Variants in PPP4R2 observed in about 807,000 individuals in gnomAD.
PPP4R2 encodes protein phosphatase 4 regulatory subunit 2.
In PPP4R2, 13 loss-of-function variants were observed where a neutral mutation model predicts 47.2. The ratio of observed to expected loss-of-function variants is 0.28; its 90% CI spans 0.18 to 0.44. The LOEUF (loss-of-function observed/expected upper bound fraction) is 0.44, where lower values mean the gene tolerates loss of function less well. PPP4R2 is among the 20% of genes least tolerant of loss of function. The probability of loss-of-function intolerance (pLI) is 1.00; values close to 1 mark genes in which losing one functional copy is unlikely to be tolerated. For synonymous variants in PPP4R2, 151 were observed against 163.3 expected (o/e 0.92, Z 0.57); for missense variants, 421 against 491.2 (o/e 0.86, Z 1.35).
At chr3:72,999,498 T>C (rs1701417119) in intron 2 of PPP4R2, among the ~76,000 whole-genome samples, 1 of 152,272 alleles carries the variant, frequency 6.6e-6, no homozygotes, top group Admixed American at 6.5e-5. Flanking sequence ...CTTTTGGCTG[T>C]TTTTTGATAT....
chr3:72,998,574 T>A (rs933114195), intron 2 of PPP4R2, among the ~76,000 whole-genome samples: 2 of 152,222 alleles, frequency 1.3e-5, no homozygotes, highest in Non-Finnish European at 1.5e-5. Context: ...AGCCTTTTTT[T>A]GGTCATATTT....
intron 2 of PPP4R2, among the ~76,000 whole-genome samples, chr3:73,033,064 T>C (rs1229655286): frequency 1.3e-5 from 2 of 152,168 alleles, no homozygotes; most frequent in Non-Finnish European, 2.9e-5. Context: ...TAATTAACTT[T>C]TTGTGTTGGA....
chr3:73,062,106 G>A (rs1451332122), intron 5 of PPP4R2: 15 of 1,545,522 alleles, frequency 9.7e-6, no homozygotes, highest in African/African-American at 1.4e-5. Context: ...TAAATTGTAT[G>A]CTTATGTTAA....
rs1337208241 is a variant in PPP4R2, at chr3:73,023,780, A to G, written c.117-23406A>G. ...GACCATTTAGTAAGTTGCTTTTTAA[A>G]AAGTCACCGTGAAAAATGAAAGTAT... is the stretch of plus-strand genomic sequence containing the variant. On this transcript the variant is annotated intron_variant, in intron 2 of 8. Transcript: ENST00000356692. 2.0e-5 allele frequency among the ~76,000 whole-genome samples: 3 copies of G among 152,178 alleles called. No individual in the cohort carries two copies. The East Asian group carries it at 5.8e-4, about 29-fold the overall frequency.
intron 2 of PPP4R2, among the ~76,000 whole-genome samples, chr3:73,006,878 T>C (rs756907488): frequency 2.6e-5 from 4 of 152,240 alleles, no homozygotes; most frequent in Non-Finnish European, 5.9e-5. Context: ...ACACCTTGAC[T>C]TCTCTCTGTC....
intron 2 of PPP4R2, among the ~76,000 whole-genome samples, chr3:73,010,833 C>T (rs1170629128): frequency 6.6e-6 from 1 of 152,228 alleles, no homozygotes; most frequent in Non-Finnish European, 1.5e-5. Context: ...AGCCACTGGG[C>T]TCAGCCTTTC....
At chr3:73,020,694 TAAAA>T (rs1227598415) in intron 2 of PPP4R2, among the ~76,000 whole-genome samples, 5 of 134,002 alleles carry the variant, frequency 3.7e-5, no homozygotes, top group Non-Finnish European at 6.5e-5. Flanking sequence ...AAAAAAAAGT[TAAAA>T]AACTTTTTTT....
chr3:73,028,736 GC>G (rs1702115215), intron 2 of PPP4R2, among the ~76,000 whole-genome samples: 1 of 152,204 alleles, frequency 6.6e-6, no homozygotes, highest in African/African-American at 2.4e-5. Flanking sequence ...GAGCCACTGC[GC>G]CCGGCCAAGG....
At chr3:73,045,244 C>T (rs964054076) in intron 2 of PPP4R2, among the ~76,000 whole-genome samples, 4 of 152,126 alleles carry the variant, frequency 2.6e-5, no homozygotes, top group African/African-American at 9.7e-5. Context: ...CCCAAGTGAT[C>T]TTCCTGTCTC....
intron 2 of PPP4R2, among the ~76,000 whole-genome samples, chr3:73,016,877 G>A (rs1326330616): frequency 7.2e-6 from 1 of 139,604 alleles, no homozygotes; most frequent in African/African-American, 2.7e-5. Flanking sequence ...GGAGTTCAGT[G>A]GCTCACTGAA....
chr3:72,997,153 G>T (rs1701363893), intron 1 of PPP4R2, 82 bp downstream of exon 1: 2 of 1,155,002 alleles, frequency 1.7e-6, no homozygotes, highest in Middle Eastern at 2.1e-4. Flanking sequence ...TGGTTCCGAG[G>T]ACCGGGGCCG....
chr3:73,018,432 T>TGTTATGTTAC (rs1450735846), intron 2 of PPP4R2, among the ~76,000 whole-genome samples: 1 of 99,486 alleles, frequency 1.0e-5, no homozygotes, highest in Non-Finnish European at 2.1e-5. Context: ...TGTTATGTTA[T>TGTTATGTTAC]GTTATGTTAT....
At chr3:73,043,844 TATC>T (rs1048928682) in intron 2 of PPP4R2, among the ~76,000 whole-genome samples, 4 of 152,354 alleles carry the variant, frequency 2.6e-5, no homozygotes, top group Admixed American at 2.6e-4. Context: ...TTACCATCAC[TATC>T]ATCCATCTGC....
chr3:73,056,990 G>A (rs1457363603), intron 3 of PPP4R2, among the ~76,000 whole-genome samples: 2 of 152,132 alleles, frequency 1.3e-5, no homozygotes, highest in Non-Finnish European at 2.9e-5. Context: ...TACCCAAACT[G>A]TTGGTGCTAT....
rs771976827 is a variant in PPP4R2, at chr3:73,061,087, AT to A, written c.419+28del. The A allele has an allele frequency of 6.9e-6, 8 of 1,157,768 alleles. No individual in the cohort carries two copies. In the African/African-American group the frequency reaches 9.5e-5, roughly 14 times the overall value. The allele number at this position is 1,157,768 out of a possible 1,614,324, so 71.7% of individuals were successfully genotyped here. On this transcript the variant is annotated intron_variant, in intron 5 of 8. Transcript: ENST00000356692. ...TAAGTATATTTTTTCTATTTCTAGT[AT>A]ATTATTTACTATATTTAATCATTTT... is the stretch of plus-strand genomic sequence containing the variant.
At chr3:73,038,139 G>T (rs1702301616) in intron 2 of PPP4R2, among the ~76,000 whole-genome samples, 1 of 152,168 alleles carries the variant, frequency 6.6e-6, no homozygotes, top group South Asian at 2.1e-4. Context: ...TGTAGAGGGG[G>T]TGGTAAAAAG....
intron 2 of PPP4R2, among the ~76,000 whole-genome samples, chr3:73,022,972 A>C (rs1029427021): frequency 1.3e-5 from 2 of 152,092 alleles, no homozygotes; most frequent in East Asian, 1.9e-4. Context: ...CAGGTAAGAA[A>C]ATGTTTTAAG....
At chr3:73,044,032 C>T (rs973566375) in intron 2 of PPP4R2, among the ~76,000 whole-genome samples, 1 of 152,118 alleles carries the variant, frequency 6.6e-6, no homozygotes, top group African/African-American at 2.4e-5. Flanking sequence ...TTGCATAATG[C>T]CATCAAGCTT....
chr3:73,004,298 C>T (rs572634987), intron 2 of PPP4R2, among the ~76,000 whole-genome samples: 1 of 152,104 alleles, frequency 6.6e-6, no homozygotes, highest in South Asian at 2.1e-4. Context: ...GCCTGTGCCT[C>T]CCTAAGAGCT....
Sources: gnomAD v4.1 joint callset for allele counts (sites outside exome capture counted in the v4.1 genomes callset) on GRCh38, gnomAD v4.1.1 for gene constraint, MANE v1.5 for transcripts, NCBI Gene and HGNC (gene_info 2026-07-23, HGNC 2026-07-21) for gene names.